Variants in KLHL5 observed in about 807,000 individuals in gnomAD.
KLHL5 encodes kelch like family member 5.
A neutral mutation model predicts 77.7 loss-of-function variants in KLHL5; 48 were observed. That is an observed-to-expected ratio of 0.62 (90% CI 0.49 to 0.79). The LOEUF (loss-of-function observed/expected upper bound fraction) is 0.79. Among genes scored for constraint, KLHL5 ranks in the 30% least tolerant of loss-of-function variants. KLHL5 has a pLI of 0.00. For missense variants in KLHL5, 723 were observed against 859.7 expected (o/e 0.84, Z 1.99); for synonymous variants, 260 against 297.0 (o/e 0.88, Z 1.28).
chr4:39,127,664 G>A (rs369416072), downstream of KLHL5, among the ~76,000 whole-genome samples: 11 of 151,822 alleles, frequency 7.2e-5, no homozygotes, highest in Admixed American at 2.0e-4. Context: ...AGGATCTCAC[G>A]TTGTTACCCA....
chr4:39,115,331 G>T lies in KLHL5; in HGVS notation c.2073+1G>T, dbSNP rs1389765354. On this transcript the variant is annotated splice_donor_variant, in intron 10 of 10. Coordinates refer to ENST00000504108, the MANE Select transcript of KLHL5 (RefSeq NM_015990.5). LOFTEE classifies it high-confidence loss of function. ...TCCCCAGACAAATGAGTGGACCCAG[G>T]TATGGCATTCATGTTTCATTATTAC... The T allele has an allele frequency of 6.2e-7, 1 of 1,613,858 alleles. No homozygotes were observed. Among genetic ancestry groups the T allele is most frequent in the Non-Finnish European group, 8.5e-7 (1 of 1,179,850 alleles).
At position 39,115,155 on chromosome 4, in the gene KLHL5, A is replaced by T. The variant is rs10026775; in HGVS notation, c.1902-4A>T. 906,398 of 1,589,392 alleles carry T rather than the reference A, an allele frequency of 0.57. 260,976 individuals carry two copies. Among genetic ancestry groups the T allele is most frequent in the Admixed American group, 0.61 (31,506 of 51,670 alleles). On this transcript the variant is annotated splice_polypyrimidine_tract_variant and splice_region_variant and intron_variant, in intron 9 of 10. Transcript: ENST00000504108. ...TCAGCTCCGGTTCTAAAATTTTCTT[A>T]CAGATATGATCCCAAAACAGACATG...
chr4:39,090,564 T>C (rs1720437413), intron 5 of KLHL5, among the ~76,000 whole-genome samples: 1 of 151,568 alleles, frequency 6.6e-6, no homozygotes, highest in South Asian at 2.1e-4. Context: ...TTCTCCTGCC[T>C]CAGCCTCCCG....
chr4:39,080,296 G>A (rs1487846512), intron 2 of KLHL5, among the ~76,000 whole-genome samples: 1 of 152,060 alleles, frequency 6.6e-6, no homozygotes, highest in African/African-American at 2.4e-5. Context: ...GGAGGCTCAG[G>A]TGGGCTGATT....
In KLHL5 at chr4:39,096,455, G is replaced by A. The variant is rs114820253; in HGVS notation, c.1114-237G>A. On this transcript the variant is annotated intron_variant, in intron 5 of 10. Transcript: ENST00000504108. ...AGCACCAGTATTCCTACTACCCAGA[G>A]ATAAGCACTACAGTACTAAGATTTT... 9.9e-3 allele frequency among the ~76,000 whole-genome samples: 1,508 copies of A among 152,178 alleles called. 23 individuals are homozygous for A. The highest frequency in any genetic ancestry group is 0.034 in the African/African-American group (1,417 of 41,520).
the KLHL5 span, among the ~76,000 whole-genome samples, chr4:39,138,345 A>G: frequency 6.6e-6 from 1 of 152,230 alleles, no homozygotes; most frequent in African/African-American, 2.4e-5. Flanking sequence ...AAGACATGGA[A>G]TCACCCTAAA....
intron 1 of KLHL5, among the ~76,000 whole-genome samples, chr4:39,070,108 A>G (rs1477273264): frequency 5.9e-5 from 9 of 152,136 alleles, no homozygotes; most frequent in African/African-American, 2.2e-4. Context: ...AAACATCATG[A>G]AATTGACTCT....
At chr4:39,128,827 G>A (rs768544011), downstream of KLHL5, among the ~76,000 whole-genome samples, 2 of 152,088 alleles carry the variant, frequency 1.3e-5, no homozygotes, top group African/African-American at 2.4e-5. Context: ...TTAGCCAGGC[G>A]TGATGGTGTG....
At chr4:39,138,536 A>G in the KLHL5 span, among the ~76,000 whole-genome samples, 2 of 152,292 alleles carry the variant, frequency 1.3e-5, no homozygotes, top group African/African-American at 4.8e-5. Flanking sequence ...CTCACTTATA[A>G]GTAGGAGCTA....
intron 7 of KLHL5, among the ~76,000 whole-genome samples, chr4:39,106,873 A>T (rs6842561): frequency 6.6e-6 from 1 of 150,500 alleles, no homozygotes; most frequent in Non-Finnish European, 1.5e-5. Context: ...ACCTTGGCTA[A>T]GACTATAGGT....
the KLHL5 span, among the ~76,000 whole-genome samples, chr4:39,141,217 A>G: frequency 5.1e-4 from 78 of 151,492 alleles, no homozygotes; most frequent in Non-Finnish European, 8.1e-4. Context: ...TCCCAAACCT[A>G]TCCTCTACTT....
chr4:39,049,948 G>C (rs922768210), intron 1 of KLHL5, among the ~76,000 whole-genome samples: 1 of 151,944 alleles, frequency 6.6e-6, no homozygotes, highest in African/African-American at 2.4e-5. Flanking sequence ...CATGGTGCAC[G>C]CCTGTAATCC....
chr4:39,071,636 A>T (rs541426483), intron 1 of KLHL5, among the ~76,000 whole-genome samples: 11 of 152,324 alleles, frequency 7.2e-5, no homozygotes, highest in African/African-American at 2.4e-4. Flanking sequence ...CTAGGGAATA[A>T]TATATTTCTT....
the KLHL5 span, among the ~76,000 whole-genome samples, chr4:39,134,855 AATGAGAGC>A: frequency 6.6e-6 from 1 of 152,186 alleles, no homozygotes; most frequent in Non-Finnish European, 1.5e-5. Context: ...CATGAATGGA[AATGAGAGC>A]ATGAGCCATT....
chr4:39,121,188 G>A lies in KLHL5; in HGVS notation c.*122G>A, dbSNP rs1041955128. ...TCACAATCCTGGGCACAAAGTGCCTGATGTCAAAATGAAGATAGTAAAACA... is the reference window on the plus strand; with the variant it reads ...TCACAATCCTGGGCACAAAGTGCCTAATGTCAAAATGAAGATAGTAAAACA... On this transcript the variant is annotated 3_prime_UTR_variant, in exon 11 of 11. Transcript: ENST00000504108. 3.9e-6 allele frequency: 3 copies of A among 760,042 alleles called. No homozygotes were observed. The highest frequency in any genetic ancestry group is 4.5e-6 in the Non-Finnish European group (2 of 447,696). 47.1% of individuals were successfully genotyped at this position (760,042 alleles called of 1,614,324 possible).
intron 8 of KLHL5, chr4:39,112,578 T>C (rs1229993109): frequency 5.9e-6 from 1 of 170,598 alleles, no homozygotes; most frequent in Non-Finnish European, 1.3e-5. Context: ...ATTAAATCGG[T>C]ACATGTGAAG....
chr4:39,109,384 T>C (rs906472615), intron 8 of KLHL5, among the ~76,000 whole-genome samples: 8 of 152,060 alleles, frequency 5.3e-5, no homozygotes, highest in Non-Finnish European at 4.4e-5. Context: ...CAGCCTCCTC[T>C]GCCTCCCAGG....
intron 7 of KLHL5, among the ~76,000 whole-genome samples, chr4:39,103,974 C>CAAAAA (rs35801364): frequency 4.3e-5 from 4 of 93,230 alleles, no homozygotes; most frequent in Non-Finnish European, 8.2e-5. Context: ...ACATCTATCT[C>CAAAAA]AAAAAAAAAA....
Position 39,125,887 on chromosome 4 carries a change from A to G in KLHL5, c.*4821A>G, listed in dbSNP as rs992173922. On this transcript the variant is annotated 3_prime_UTR_variant, in exon 11 of 11. Coordinates refer to ENST00000504108, the MANE Select transcript of KLHL5 (RefSeq NM_015990.5). Reference sequence around the variant, plus strand: ...CATTATGTTATGATACTTAAATGTCATAACAATAGCATTCTGTACGCTTCA... The same window carrying G: ...CATTATGTTATGATACTTAAATGTCGTAACAATAGCATTCTGTACGCTTCA... Among the ~76,000 whole-genome samples the G allele has an allele frequency of 1.3e-5, 2 of 152,252 alleles. No individual in the cohort carries two copies. Among genetic ancestry groups the G allele is most frequent in the African/African-American group, 4.8e-5 (2 of 41,460 alleles).
Sources: gnomAD v4.1 joint callset for allele counts (sites outside exome capture counted in the v4.1 genomes callset) on GRCh38, gnomAD v4.1.1 for gene constraint, MANE v1.5 for transcripts, NCBI Gene and HGNC (gene_info 2026-07-23, HGNC 2026-07-21) for gene names.